Variants in LSM2 observed in about 807,000 individuals in gnomAD.
LSM2 encodes LSM2 homolog, U6 small nuclear RNA and mRNA degradation associated, also known as U6 snRNA-associated Sm-like protein LSm2.
A neutral mutation model predicts 17.0 loss-of-function variants in LSM2; 12 were observed. The observed-to-expected ratio is 0.70, with a 90% CI of 0.45 to 1.14. LSM2 has a LOEUF of 1.14. Ranked by LOEUF, LSM2 falls within the 50% of genes most tolerant of loss-of-function variation. LSM2 has a pLI of 0.00. For synonymous variants in LSM2, 42 were observed against 44.5 expected, an observed-to-expected ratio of 0.94 and a Z score of 0.22; for missense variants, 62 against 111.8, an observed-to-expected ratio of 0.55 and a Z score of 2.01.
Position 31,806,851 on chromosome 6 carries a change from G to A in LSM2, c.-94C>T. 1 of 1,470,666 alleles carries A rather than the reference G, an allele frequency of 6.8e-7. No individual in the cohort carries two copies. The highest frequency in any genetic ancestry group is 9.0e-7 in the Non-Finnish European group (1 of 1,105,072). The allele number at this position is 1,470,666 out of a possible 1,614,324, so 91.1% of individuals were successfully genotyped here. ...ACCGAAGCGCGAGCCCGCGCGTGGG[G>A]CGAGGCGGGACCGCGCAGGCGCAGC... On this transcript the variant is annotated 5_prime_UTR_variant, in exon 1 of 5. Coordinates refer to ENST00000375661, the MANE Select transcript of LSM2 (RefSeq NM_021177.5).
At chr6:31,805,681 C>A (rs1291271288) in intron 2 of LSM2, among the ~76,000 whole-genome samples, 3 of 151,894 alleles carry the variant, frequency 2.0e-5, no homozygotes, top group Non-Finnish European at 4.4e-5. Context: ...CTGCGCCTGA[C>A]CTGTATTTAC....
At chr6:31,798,076 T>C in intron 3 of LSM2, 27 bp from the exon 4 acceptor site, 1 of 1,508,212 alleles carries the variant, frequency 6.6e-7, no homozygotes, top group Non-Finnish European at 8.8e-7. Flanking sequence ...AACACCATTA[T>C]TATTATTATT....
rs779163273 is a variant in LSM2, at chr6:31,798,524, GA to G, written c.72-18del. 8.7e-6 allele frequency: 14 copies of G among 1,612,566 alleles called. No individual in the cohort carries two copies. The highest frequency in any genetic ancestry group is 1.1e-5 in the Non-Finnish European group (13 of 1,179,890). ...CCACAGATGCTGTCAAGGGCAGAGG[GA>G]GAGAAGAATCAAATTAGTTTATAAC... On this transcript the variant is annotated intron_variant, in intron 2 of 4. Coordinates refer to ENST00000375661, the MANE Select transcript of LSM2 (RefSeq NM_021177.5).
intron 2 of LSM2, among the ~76,000 whole-genome samples, chr6:31,804,423 A>G (rs1814886651): frequency 6.6e-6 from 1 of 152,028 alleles, no homozygotes; most frequent in Admixed American, 6.6e-5. Context: ...GTCACTTACT[A>G]GTTTTGTAGA....
intron 2 of LSM2, among the ~76,000 whole-genome samples, chr6:31,803,474 AC>A (rs1473476589): frequency 1.3e-5 from 2 of 151,992 alleles, no homozygotes; most frequent in African/African-American, 2.4e-5. Context: ...ACAGAGTGAG[AC>A]CCCCATCTCA....
intron 2 of LSM2, among the ~76,000 whole-genome samples, chr6:31,804,733 G>A (rs907305867): frequency 8.0e-5 from 12 of 149,268 alleles, no homozygotes; most frequent in African/African-American, 2.5e-4. Context: ...ATGAGCCATC[G>A]TGCCCGGCCT....
chr6:31,806,505 A>T, intron 1 of LSM2: 1 of 628,642 alleles, frequency 1.6e-6, no homozygotes, highest in Admixed American at 2.8e-5. Flanking sequence ...AAGTGCTCTG[A>T]GGTCTAACTT....
At chr6:31,799,112 C>A (rs1450805753) in intron 2 of LSM2, among the ~76,000 whole-genome samples, 1 of 152,202 alleles carries the variant, frequency 6.6e-6, no homozygotes, top group East Asian at 1.9e-4. Context: ...TATTTGTAAT[C>A]TTTACAGCCA....
At chr6:31,804,400 A>T (rs1283085593) in intron 2 of LSM2, among the ~76,000 whole-genome samples, 1 of 151,954 alleles carries the variant, frequency 6.6e-6, no homozygotes, top group Non-Finnish European at 1.5e-5. Flanking sequence ...GGACAGAATC[A>T]TATTTCAGTT....
At chr6:31,800,976 A>C (rs1051491727) in intron 2 of LSM2, among the ~76,000 whole-genome samples, 2 of 151,738 alleles carry the variant, frequency 1.3e-5, no homozygotes, top group East Asian at 1.9e-4. Flanking sequence ...AATCACTTGA[A>C]CCCAGGAGGA....
In LSM2 at chr6:31,806,936, G is replaced by A. The variant is rs1211975780; in HGVS notation, c.-179C>T. 3 of 768,078 alleles carry A rather than the reference G, an allele frequency of 3.9e-6. No individual in the cohort carries two copies. Among genetic ancestry groups the A allele is most frequent in the Non-Finnish European group, 6.1e-6 (3 of 491,914 alleles). The allele number at this position is 768,078 out of a possible 1,614,324, so 47.6% of individuals were successfully genotyped here. On this transcript the variant is annotated 5_prime_UTR_variant, in exon 1 of 5. Transcript: ENST00000375661. Reference sequence around the variant, plus strand: ...GCAAAGCGCGGCCGACTTGCGGCTGGGGAGCGCAAGCTGGGTAGAGTAGAG... The same window carrying A: ...GCAAAGCGCGGCCGACTTGCGGCTGAGGAGCGCAAGCTGGGTAGAGTAGAG...
chr6:31,799,651 C>T (rs1313799213), intron 2 of LSM2, among the ~76,000 whole-genome samples: 6 of 146,604 alleles, frequency 4.1e-5, no homozygotes, highest in South Asian at 2.1e-4. Context: ...CCACCATTCC[C>T]GACTTTTTTT....
At position 31,800,860 on chromosome 6, in the gene LSM2, T is replaced by C. The variant is rs567375914; in HGVS notation, c.72-2353A>G. 2.7e-5 allele frequency among the ~76,000 whole-genome samples: 4 copies of C among 149,750 alleles called. No homozygotes were observed. In the Admixed American group the frequency reaches 2.7e-4, roughly 10 times the overall value. On this transcript the variant is annotated intron_variant, in intron 2 of 4. Transcript: ENST00000375661. Reference sequence around the variant, plus strand: ...GAGATCACACCACTACACTCCAGCCTGGGTGACAAAGCAAGACTCCGTCTC... The same window carrying C: ...GAGATCACACCACTACACTCCAGCCCGGGTGACAAAGCAAGACTCCGTCTC...
Position 31,797,751 on chromosome 6 carries a change from G to A in LSM2, c.*6C>T. 6.2e-7 allele frequency: 1 copy of A among 1,612,372 alleles called. No homozygotes were observed. Among genetic ancestry groups the A allele is most frequent in the South Asian group, 1.1e-5 (1 of 91,058 alleles). ...GAAAGAGGGAGGGGAAGAGGAGGAG[G>A]AGCCATCACTGTTTCTGCTGCAGGG... On this transcript the variant is annotated 3_prime_UTR_variant, in exon 5 of 5. Transcript: ENST00000375661.
At chr6:31,801,044 G>A (rs1351214406) in intron 2 of LSM2, among the ~76,000 whole-genome samples, 2 of 151,630 alleles carry the variant, frequency 1.3e-5, no homozygotes, top group African/African-American at 4.8e-5. Context: ...TGTGGTGCAT[G>A]CCTGTAGTCC....
chr6:31,805,446 C>G (rs1375436077), intron 2 of LSM2, among the ~76,000 whole-genome samples: 1 of 150,642 alleles, frequency 6.6e-6, no homozygotes, highest in African/African-American at 2.4e-5. Context: ...CTCACTGCAA[C>G]CTCTGCCGCC....
intron 2 of LSM2, among the ~76,000 whole-genome samples, chr6:31,804,852 C>T (rs752128343): frequency 1.3e-5 from 2 of 149,098 alleles, no homozygotes; most frequent in Non-Finnish European, 3.0e-5. Context: ...CTGCAAGTTC[C>T]GCCTCCCAGG....
intron 1 of LSM2, 40 bp downstream of exon 1, chr6:31,806,715 G>C (rs1298873204): frequency 1.2e-6 from 2 of 1,606,584 alleles, no homozygotes; most frequent in South Asian, 1.1e-5. Flanking sequence ...AACCATGCGA[G>C]GTCCCCGAGG....
chr6:31,801,162 A>G (rs1162656791), intron 2 of LSM2, among the ~76,000 whole-genome samples: 1 of 127,690 alleles, frequency 7.8e-6, no homozygotes. Context: ...CAGAGTAAGG[A>G]TCTGTCTCAA....
Sources: gnomAD v4.1 joint callset for allele counts (sites outside exome capture counted in the v4.1 genomes callset) on GRCh38, gnomAD v4.1.1 for gene constraint, MANE v1.5 for transcripts, NCBI Gene and HGNC (gene_info 2026-07-23, HGNC 2026-07-21) for gene names.